Variants in GBE1 observed in about 807,000 individuals in gnomAD.
GBE1 encodes the protein 1,4-alpha-glucan-branching enzyme.
A neutral mutation model predicts 88.8 loss-of-function variants in GBE1; 70 were observed. That is an observed-to-expected ratio of 0.79 (90% CI 0.65 to 0.96). GBE1 has a LOEUF of 0.96. Ranked by LOEUF, GBE1 falls within the 40% of genes least tolerant of loss-of-function variation. GBE1 has a pLI of 0.00. For missense variants in GBE1, 872 were observed against 871.0 expected (o/e 1.00, Z -0.01); for synonymous variants, 284 against 300.1 (o/e 0.95, Z 0.56).
chr3:81,649,071 G>T, intron 4 of GBE1, 80 bp from the exon 5 acceptor site: 2 of 964,422 alleles, frequency 2.1e-6, no homozygotes, highest in Non-Finnish European at 3.0e-6. Context: ...TTTTTAAAAA[G>T]TGGTGAATAT....
chr3:81,672,198 C>T (rs1705199064), intron 2 of GBE1, among the ~76,000 whole-genome samples: 1 of 151,918 alleles, frequency 6.6e-6, no homozygotes. Flanking sequence ...GTAAAAACAA[C>T]TTGGTATCAT....
intron 12 of GBE1, among the ~76,000 whole-genome samples, chr3:81,553,708 G>GA (rs1388475180): frequency 1.4e-5 from 2 of 144,100 alleles, no homozygotes; most frequent in African/African-American, 5.2e-5. Flanking sequence ...AAAACAGACA[G>GA]AAAGTACAAT....
intron 3 of GBE1, among the ~76,000 whole-genome samples, chr3:81,662,585 C>T (rs1420258960): frequency 6.6e-6 from 1 of 151,188 alleles, no homozygotes; most frequent in South Asian, 2.1e-4. Flanking sequence ...TTGTTCTAAC[C>T]CATCAATATT....
chr3:81,738,726 T>C (rs987950395), intron 1 of GBE1, among the ~76,000 whole-genome samples: 2 of 152,194 alleles, frequency 1.3e-5, no homozygotes, highest in Non-Finnish European at 2.9e-5. Flanking sequence ...CACGTACTTC[T>C]TGCCAGCCAG....
intron 7 of GBE1, among the ~76,000 whole-genome samples, chr3:81,633,429 C>G (rs1339143048): frequency 6.6e-6 from 1 of 152,084 alleles, no homozygotes; most frequent in Non-Finnish European, 1.5e-5. Context: ...TGAGCCCAGG[C>G]CTATACCTAT....
At chr3:81,510,349 C>T (rs17019042) in intron 14 of GBE1, among the ~76,000 whole-genome samples, 19,912 of 151,962 alleles carry the variant, frequency 0.13, 1,850 homozygotes, top group East Asian at 0.37. Context: ...ACTTACTTGG[C>T]GTAACATATA....
chr3:81,520,854 T>G (rs1049855230), intron 14 of GBE1, among the ~76,000 whole-genome samples: 1 of 151,544 alleles, frequency 6.6e-6, no homozygotes. Flanking sequence ...TCGTTTTGTT[T>G]CTTGATTTTT....
chr3:81,755,820 G>A (rs1371851291), intron 1 of GBE1, among the ~76,000 whole-genome samples: 1 of 151,984 alleles, frequency 6.6e-6, no homozygotes, highest in Non-Finnish European at 1.5e-5. Flanking sequence ...AGGCTGGGAA[G>A]GACAGTGGGG....
At chr3:81,746,154 G>A (rs1349499338) in intron 1 of GBE1, among the ~76,000 whole-genome samples, 3 of 152,096 alleles carry the variant, frequency 2.0e-5, no homozygotes, top group East Asian at 1.9e-4. Context: ...ATAGGTGTTT[G>A]TTTTTTCTCT....
At chr3:81,563,361 T>C (rs1703446525) in intron 12 of GBE1, among the ~76,000 whole-genome samples, 2 of 152,058 alleles carry the variant, frequency 1.3e-5, no homozygotes, top group South Asian at 4.1e-4. Flanking sequence ...GCAGAAATAC[T>C]GTGAAGAAAA....
At chr3:81,677,865 AGG>A (rs1705283700) in intron 2 of GBE1, among the ~76,000 whole-genome samples, 2 of 152,172 alleles carry the variant, frequency 1.3e-5, no homozygotes, top group Non-Finnish European at 2.9e-5. Flanking sequence ...AGTTTAGCTT[AGG>A]TGTGGTTTTC....
chr3:81,665,402 G>A (rs988066918), intron 3 of GBE1, among the ~76,000 whole-genome samples: 4 of 152,040 alleles, frequency 2.6e-5, no homozygotes, highest in Non-Finnish European at 4.4e-5. Flanking sequence ...CGGGCGTGGT[G>A]GCGGGCGCCT....
At chr3:81,633,957 G>C (rs142901028) in intron 7 of GBE1, among the ~76,000 whole-genome samples, 24 of 152,254 alleles carry the variant, frequency 1.6e-4, no homozygotes, top group South Asian at 4.1e-4. Context: ...AACATAGGGA[G>C]GTTTCATATA....
chr3:81,658,506 T>C (rs1704974327), intron 3 of GBE1, among the ~76,000 whole-genome samples: 1 of 152,152 alleles, frequency 6.6e-6, no homozygotes, highest in African/African-American at 2.4e-5. Flanking sequence ...TAAAGGTCAG[T>C]AGTCACTTCT....
At chr3:81,570,838 A>G (rs538282247) in intron 12 of GBE1, among the ~76,000 whole-genome samples, 1 of 152,358 alleles carries the variant, frequency 6.6e-6, no homozygotes, top group Non-Finnish European at 1.5e-5. Flanking sequence ...GGGTTTCTAA[A>G]GAGCCTAAAA....
At chr3:81,600,261 A>AAAAC (rs1704013961) in intron 7 of GBE1, among the ~76,000 whole-genome samples, 1 of 146,118 alleles carries the variant, frequency 6.8e-6, no homozygotes, top group East Asian at 2.3e-4. Flanking sequence ...CTCCGTCTCA[A>AAAAC]AAACAAATAA....
intron 1 of GBE1, among the ~76,000 whole-genome samples, chr3:81,723,674 C>G (rs1188434916): frequency 6.6e-6 from 1 of 152,158 alleles, no homozygotes; most frequent in African/African-American, 2.4e-5. Flanking sequence ...CGCTCACAAA[C>G]AATAAATACT....
chr3:81,723,761 C>T (rs1187893137), intron 1 of GBE1, among the ~76,000 whole-genome samples: 1 of 152,174 alleles, frequency 6.6e-6, no homozygotes, highest in Non-Finnish European at 1.5e-5. Flanking sequence ...AAGTCCAGCT[C>T]TGCACCCTCA....
chr3:81,533,656 G>A (rs1341783125), intron 14 of GBE1, among the ~76,000 whole-genome samples: 1 of 152,004 alleles, frequency 6.6e-6, no homozygotes, highest in Non-Finnish European at 1.5e-5. Flanking sequence ...GAGACTCAGG[G>A]GTAATTCCTG....
Sources: allele counts gnomAD v4.1 joint callset (sites outside exome capture counted in the v4.1 genomes callset), GRCh38; gene constraint gnomAD v4.1.1; transcripts MANE v1.5; gene names NCBI Gene and HGNC (gene_info 2026-07-23, HGNC 2026-07-21).